Variants in JADE3 observed in about 807,000 individuals in gnomAD.
The protein encoded by JADE3 is protein Jade-3.
A neutral mutation model predicts 50.1 loss-of-function variants in JADE3; 2 were observed. The ratio of observed to expected loss-of-function variants is 0.04; its 90% CI spans 0.02 to 0.13. The LOEUF (loss-of-function observed/expected upper bound fraction) is 0.13, where lower values mean the gene tolerates loss of function less well. Among genes scored for constraint, JADE3 ranks in the 10% least tolerant of loss-of-function variants. The probability of loss-of-function intolerance (pLI) is 1.00; values close to 1 mark genes in which losing one functional copy is unlikely to be tolerated. For synonymous variants in JADE3, 218 were observed against 232.9 expected (o/e 0.94, Z 0.58); for missense variants, 475 against 634.4 (o/e 0.75, Z 2.70).
In JADE3 at chrX:46,985,808, C is replaced by T; in HGVS notation, c.126+16C>T. The T allele has an allele frequency of 9.2e-7, 1 of 1,089,913 alleles. No individual in the cohort carries two copies. The highest frequency in any genetic ancestry group is 1.9e-5 in the South Asian group (1 of 52,509). The allele number at this position is 1,089,913 out of a possible 1,213,427, so 89.8% of individuals were successfully genotyped here. ...ACCTGCTGAGGTGAGATCGTATTCT[C>T]AATTTTTAGACTTAAGCTATAGTTT... On this transcript the variant is annotated intron_variant, in intron 3 of 10. Transcript: ENST00000614628.
At chrX:47,010,655 A>G (rs782425351) in intron 4 of JADE3, among the ~76,000 whole-genome samples, 3 of 111,440 alleles carry the variant, frequency 2.7e-5, no homozygotes, top group Non-Finnish European at 5.7e-5. Flanking sequence ...CACCCTAGAA[A>G]GAAATCCCAC....
At position 47,017,615 on chromosome X, in the gene JADE3, G is replaced by T. The variant is rs371385463; in HGVS notation, c.285-7109G>T. On this transcript the variant is annotated intron_variant, in intron 4 of 10. Coordinates refer to ENST00000614628, the MANE Select transcript of JADE3 (RefSeq NM_014735.5). The stretch of plus-strand genomic sequence containing the variant: ...AGAATACAAAAAAATTAACTGTGTA[G>T]TGTATGCTTATACACATGCATATAT... 8.0e-5 allele frequency among the ~76,000 whole-genome samples: 9 copies of T among 112,001 alleles called. No individual in the cohort carries two copies. In the East Asian group the frequency reaches 2.2e-3, roughly 28 times the overall value.
At chrX:47,032,765 C>CTTGGAAA (rs1303074237) in intron 6 of JADE3, among the ~76,000 whole-genome samples, 1 of 110,907 alleles carries the variant, frequency 9.0e-6, no homozygotes, top group Non-Finnish European at 1.9e-5. Context: ...GGAAAAGGAC[C>CTTGGAAA]AGGTTGTGGG....
chrX:46,998,884 A>G (rs1928204297), intron 4 of JADE3, among the ~76,000 whole-genome samples: 1 of 109,868 alleles, frequency 9.1e-6, no homozygotes, highest in Admixed American at 9.8e-5. Flanking sequence ...GTTTTAATAG[A>G]GACAGGGTTT....
In JADE3 at chrX:47,058,694, C is replaced by T. The variant is rs781893262; in HGVS notation, c.2089C>T (p.His697Tyr). 5.8e-6 allele frequency: 7 copies of T among 1,211,443 alleles called. No homozygotes were observed. Among genetic ancestry groups the T allele is most frequent in the South Asian group, 1.8e-5 (1 of 56,854 alleles). The change falls in exon 11 of 11, where the codon CAC becomes TAC. Residue 697 changes from histidine to tyrosine, a missense_variant. Around this residue, in one of 6 missense-constraint regions of JADE3, gnomAD observed 243 missense variants for 238.2 expected, o/e 1.02. Transcript: ENST00000614628. ...FCDQEPVFSP[H>Y]LVSQGSFRKS... is the part of the protein sequence containing the mutation. ...TGACCAGGAGCCTGTGTTCAGCCCC[C>T]ACTTGGTCAGTCAGGGCAGCTTTAG...
chrX:47,019,673 GTCTGTACCTGC>G (rs1391854315), intron 4 of JADE3, among the ~76,000 whole-genome samples: 1 of 112,405 alleles, frequency 8.9e-6, no homozygotes, highest in Non-Finnish European at 1.9e-5. Context: ...ATGTAGCATA[GTCTGTACCTGC>G]CAAATATTTA....
At position 46,914,542 on chromosome X, in the gene JADE3, C is replaced by T. The variant is rs377458540; in HGVS notation, c.-12+1823C>T. Among the ~76,000 whole-genome samples the T allele has an allele frequency of 5.3e-3, 597 of 112,162 alleles. 2 individuals carry two copies. Among genetic ancestry groups the T allele is most frequent in the South Asian group, 0.025 (67 of 2,710 alleles). On this transcript the variant is annotated intron_variant, in intron 1 of 10. Coordinates refer to ENST00000614628, the MANE Select transcript of JADE3 (RefSeq NM_014735.5). Reference sequence around the variant, plus strand: ...CCCTCTCTTCAAGGATTACCTGAGACCGTTGAGAAGTGTTTCAGTGCCCAG... The same window carrying T: ...CCCTCTCTTCAAGGATTACCTGAGATCGTTGAGAAGTGTTTCAGTGCCCAG...
chrX:47,007,592 G>A (rs1928458199), intron 4 of JADE3, among the ~76,000 whole-genome samples: 1 of 110,631 alleles, frequency 9.0e-6, no homozygotes. Context: ...AGTCACTTTT[G>A]CTTTCTTTTG....
At chrX:47,056,298 CTT>C in intron 10 of JADE3, 99 bp downstream of exon 10, 2 of 488,163 alleles carry the variant, frequency 4.1e-6, no homozygotes, top group Non-Finnish European at 7.1e-6. Context: ...ACTTAAAAAT[CTT>C]TTAAAATTCT....
chrX:46,945,011 AT>A (rs60937622), intron 1 of JADE3, among the ~76,000 whole-genome samples: 1,302 of 96,950 alleles, frequency 0.013, 15 homozygotes, highest in African/African-American at 0.035. Context: ...ACCTGGCTGA[AT>A]TTTTTTTTTT....
intron 1 of JADE3, among the ~76,000 whole-genome samples, chrX:46,968,759 A>AT (rs1395495074): frequency 4.5e-5 from 5 of 111,098 alleles, no homozygotes; most frequent in Non-Finnish European, 9.4e-5. Context: ...TATGCACCAC[A>AT]TAACAGAGCT....
In JADE3 at chrX:47,054,094, A is replaced by G. The variant is rs782335268; in HGVS notation, c.973-64A>G. Reference sequence around the variant, plus strand: ...TCCTACAAGCTATCAATTTAGGTCCAGAAACATAGGTCTCTCCCTTTTCCT... The same window carrying G: ...TCCTACAAGCTATCAATTTAGGTCCGGAAACATAGGTCTCTCCCTTTTCCT... On this transcript the variant is annotated intron_variant, in intron 8 of 10. Coordinates refer to ENST00000614628, the MANE Select transcript of JADE3 (RefSeq NM_014735.5). The G allele has an allele frequency of 5.0e-5, 40 of 794,241 alleles. No individual in the cohort carries two copies. In the African/African-American group the frequency reaches 8.0e-4, roughly 16 times the overall value. 65.5% of individuals were successfully genotyped at this position (794,241 alleles called of 1,213,427 possible).
At chrX:46,997,727 A>G (rs1165504161) in intron 3 of JADE3, among the ~76,000 whole-genome samples, 9 of 112,383 alleles carry the variant, frequency 8.0e-5, no homozygotes, top group Non-Finnish European at 1.3e-4. Context: ...CTTTTCTTTA[A>G]GTCTAAAATT....
At chrX:47,014,162 T>C (rs1468368951) in intron 4 of JADE3, among the ~76,000 whole-genome samples, 8 of 112,452 alleles carry the variant, frequency 7.1e-5, no homozygotes, top group Non-Finnish European at 1.5e-4. Flanking sequence ...CTGATCTGGC[T>C]GTAACCAGTT....
In JADE3 at chrX:47,033,773, C is replaced by A. The variant is rs782035769; in HGVS notation, c.840C>A (p.Ala280=). Residue 280 remains alanine (A), a synonymous_variant, in exon 7 of 11, where the codon GCC becomes GCA. Coordinates refer to ENST00000614628, the MANE Select transcript of JADE3 (RefSeq NM_014735.5). ...CTAAATGGGCTCATGTCAGCTGTGC[C>A]CTGTGGATCCCAGAGGTAAGAATTC... The part of the protein sequence containing the change: ...TGTKWAHVSC[A]LWIPEVSIAC... The A allele has an allele frequency of 6.0e-6, 7 of 1,171,733 alleles. No homozygotes were observed. The highest frequency in any genetic ancestry group is 8.0e-6 in the Non-Finnish European group (7 of 874,744).
At chrX:47,014,705 T>C (rs1307655396) in intron 4 of JADE3, among the ~76,000 whole-genome samples, 1 of 112,132 alleles carries the variant, frequency 8.9e-6, no homozygotes, top group African/African-American at 3.2e-5. Context: ...AGACCTCTTA[T>C]ATGTTACTGT....
chrX:47,017,582 AAAC>A (rs782131028), intron 4 of JADE3, among the ~76,000 whole-genome samples: 45 of 112,160 alleles, frequency 4.0e-4, no homozygotes, highest in African/African-American at 8.7e-4. Context: ...ATACAAATAA[AAAC>A]AATCAGAATA....
chrX:46,923,076 G>C (rs1196245541), intron 1 of JADE3, among the ~76,000 whole-genome samples: 1 of 110,796 alleles, frequency 9.0e-6, no homozygotes, highest in Non-Finnish European at 1.9e-5. Flanking sequence ...GCAGTGGCAT[G>C]ATCATGGCTC....
chrX:47,003,638 G>C (rs1325105269), intron 4 of JADE3, among the ~76,000 whole-genome samples: 10 of 96,962 alleles, frequency 1.0e-4, no homozygotes, highest in Non-Finnish European at 1.8e-4. Flanking sequence ...TATTTATATA[G>C]ATATAAATTT....
Sources: gnomAD v4.1 joint callset for allele counts (sites outside exome capture counted in the v4.1 genomes callset) on GRCh38, gnomAD v4.1.1 for gene constraint, gnomAD v4.1.1 regional missense constraint, MANE v1.5 for transcripts, NCBI Gene and HGNC (gene_info 2026-07-23, HGNC 2026-07-21) for gene names.